The following GRIA2 variants were observed in gnomAD, a reference collection of about 807,000 sequenced individuals.
GRIA2 encodes glutamate receptor 2.
A neutral mutation model predicts 97.3 loss-of-function variants in GRIA2; 14 were observed. The ratio of observed to expected loss-of-function variants is 0.14; its 90% CI spans 0.10 to 0.23. The LOEUF is 0.23. Among genes scored for constraint, GRIA2 ranks in the 10% least tolerant of loss-of-function variants. The pLI, the probability that GRIA2 is intolerant of heterozygous loss-of-function variation, is 1.00. For missense variants in GRIA2, 558 were observed against 1,069.8 expected, an observed-to-expected ratio of 0.52 and a Z score of 6.67; for synonymous variants, 412 against 387.8, an observed-to-expected ratio of 1.06 and a Z score of -0.73.
intron 12 of GRIA2, among the ~76,000 whole-genome samples, chr4:157,355,285 TG>T (rs1736196406): frequency 6.6e-6 from 1 of 152,106 alleles, no homozygotes; most frequent in South Asian, 2.1e-4. Context: ...CCCAGCACTT[TG>T]GGAGGCCAAA....
chr4:157,258,269 G>GAGAA (rs756745499), intron 2 of GRIA2, among the ~76,000 whole-genome samples: 6 of 152,068 alleles, frequency 3.9e-5, no homozygotes, highest in Non-Finnish European at 7.4e-5. Flanking sequence ...AAGCAAATAG[G>GAGAA]AGAAATATTA....
At chr4:157,245,854 C>T (rs1274908913) in intron 2 of GRIA2, among the ~76,000 whole-genome samples, 1 of 152,086 alleles carries the variant, frequency 6.6e-6, no homozygotes, top group African/African-American at 2.4e-5. Flanking sequence ...GCTTCGTCAG[C>T]ATGGCAGAAC....
chr4:157,286,813 T>G (rs1732867126), intron 2 of GRIA2, among the ~76,000 whole-genome samples: 1 of 151,628 alleles, frequency 6.6e-6, no homozygotes, highest in Non-Finnish European at 1.5e-5. Flanking sequence ...GTTTCCTTTG[T>G]GGCAGTCAAC....
In GRIA2 at chr4:157,298,450, T is replaced by C. The variant is rs562377830; in HGVS notation, c.230-5102T>C. On this transcript the variant is annotated intron_variant, in intron 2 of 15. Coordinates refer to ENST00000264426, the MANE Select transcript of GRIA2 (RefSeq NM_001083619.3). ...ATATAAATGATGGCAATAGTTATCA[T>C]GCATGAGCAGGAAGGGAAAAATAAA... Among the ~76,000 whole-genome samples the C allele has an allele frequency of 3.5e-3, 525 of 152,104 alleles. 1 individual carries two copies. The highest frequency in any genetic ancestry group is 0.012 in the African/African-American group (480 of 41,516).
chr4:157,225,135 T>A (rs891486456), intron 2 of GRIA2, among the ~76,000 whole-genome samples: 7 of 152,064 alleles, frequency 4.6e-5, no homozygotes, highest in Non-Finnish European at 1.0e-4. Flanking sequence ...CTGAATGGGT[T>A]AAGGTTATAC....
intron 2 of GRIA2, among the ~76,000 whole-genome samples, chr4:157,293,393 G>A (rs1003283917): frequency 6.6e-6 from 1 of 152,102 alleles, no homozygotes; most frequent in Non-Finnish European, 1.5e-5. Context: ...GACTAAGTCT[G>A]TATCAACATG....
At chr4:157,256,767 T>G (rs1731296453) in intron 2 of GRIA2, among the ~76,000 whole-genome samples, 2 of 152,002 alleles carry the variant, frequency 1.3e-5, no homozygotes, top group Non-Finnish European at 1.5e-5. Context: ...TCTGCCATCC[T>G]GACTTGATAT....
intron 2 of GRIA2, among the ~76,000 whole-genome samples, chr4:157,274,251 A>G (rs138579399): frequency 1.3e-5 from 2 of 152,200 alleles, no homozygotes; most frequent in South Asian, 2.1e-4. Context: ...AGAAAATTAT[A>G]TAGGTCAGAT....
At chr4:157,282,575 G>A (rs976160084) in intron 2 of GRIA2, among the ~76,000 whole-genome samples, 12 of 151,962 alleles carry the variant, frequency 7.9e-5, no homozygotes, top group East Asian at 3.9e-4. Flanking sequence ...TGAGGCAGAC[G>A]GAGACAAAAA....
At chr4:157,242,972 C>G (rs760552034) in intron 2 of GRIA2, among the ~76,000 whole-genome samples, 7 of 152,018 alleles carry the variant, frequency 4.6e-5, no homozygotes, top group Non-Finnish European at 8.8e-5. Context: ...TGCTTGGGAA[C>G]CACTTTAAAC....
At chr4:157,316,111 T>A (rs1734307358) in intron 4 of GRIA2, among the ~76,000 whole-genome samples, 1 of 152,062 alleles carries the variant, frequency 6.6e-6, no homozygotes, top group African/African-American at 2.4e-5. Context: ...TTTTAAAAAA[T>A]TTCTCAGCAG....
At chr4:157,357,183 T>C (rs921780641) in intron 12 of GRIA2, among the ~76,000 whole-genome samples, 4 of 152,148 alleles carry the variant, frequency 2.6e-5, no homozygotes, top group African/African-American at 9.7e-5. Flanking sequence ...TTCTGAATTG[T>C]CTCTCAGTAA....
At position 157,317,290 on chromosome 4, in the gene GRIA2, A is replaced by G. The variant is rs1734365330; in HGVS notation, c.667-368A>G. 1.3e-5 allele frequency among the ~76,000 whole-genome samples: 2 copies of G among 152,326 alleles called. 1 individual carries two copies. Among genetic ancestry groups the G allele is most frequent in the East Asian group, 3.9e-4 (2 of 5,182 alleles). The stretch of plus-strand genomic sequence containing the variant: ...TGAGATGTTTAATGTTTTATTAAAA[A>G]GACAAAAACATAGCCTTTGTAGGAA... On this transcript the variant is annotated intron_variant, in intron 4 of 15. Transcript: ENST00000264426.
intron 2 of GRIA2, among the ~76,000 whole-genome samples, chr4:157,257,121 A>C (rs894297527): frequency 6.6e-6 from 1 of 152,070 alleles, no homozygotes; most frequent in African/African-American, 2.4e-5. Context: ...CATGACAAGA[A>C]ATTGTCAGAT....
At chr4:157,222,083 G>A (rs1056103563) in intron 2 of GRIA2, among the ~76,000 whole-genome samples, 1 of 152,152 alleles carries the variant, frequency 6.6e-6, no homozygotes, top group African/African-American at 2.4e-5. Flanking sequence ...AGGGAGGGCG[G>A]CTTTCTTGGG....
At chr4:157,285,063 TTA>T (rs772906017) in intron 2 of GRIA2, among the ~76,000 whole-genome samples, 3 of 151,834 alleles carry the variant, frequency 2.0e-5, no homozygotes. Context: ...CATCTTGTTT[TTA>T]TATGTTATTA....
intron 12 of GRIA2, among the ~76,000 whole-genome samples, chr4:157,355,931 ATT>A (rs376103946): frequency 0.057 from 2,391 of 42,312 alleles, 163 homozygotes; most frequent in Middle Eastern, 0.2. Flanking sequence ...ATTTATATAT[ATT>A]TATATATTAA....
chr4:157,305,195 G>T (rs755403679), intron 3 of GRIA2, among the ~76,000 whole-genome samples: 3 of 152,024 alleles, frequency 2.0e-5, no homozygotes, highest in African/African-American at 7.2e-5. Context: ...TTAGTATTTT[G>T]TGTTGTTCAA....
intron 1 of GRIA2, 84 bp downstream of exon 1, chr4:157,221,214 A>C: frequency 3.9e-6 from 3 of 773,164 alleles, no homozygotes; most frequent in Non-Finnish European, 4.7e-6. Context: ...AATTCATGTC[A>C]TGTAGACTTA....
Sources: allele counts gnomAD v4.1 joint callset (sites outside exome capture counted in the v4.1 genomes callset), GRCh38; gene constraint gnomAD v4.1.1; transcripts MANE v1.5; gene names NCBI Gene and HGNC (gene_info 2026-07-23, HGNC 2026-07-21).